PCDHAC1: variants seen among roughly 807,000 people sequenced by gnomAD.
PCDHAC1 encodes protocadherin alpha-C1.
A neutral mutation model predicts 60.0 loss-of-function variants in PCDHAC1; 42 were observed. That is an observed-to-expected ratio of 0.70 (90% CI 0.55 to 0.90). The LOEUF (loss-of-function observed/expected upper bound fraction) is 0.90, where lower values mean the gene tolerates loss of function less well. PCDHAC1 is among the 40% of genes least tolerant of loss of function. The pLI is 0.00. For synonymous variants in PCDHAC1, 468 were observed against 499.3 expected (o/e 0.94, Z 0.84); for missense variants, 1,160 against 1,222.3 (o/e 0.95, Z 0.76).
chr5:141,004,142 G>A (rs1323224367), intron 3 of PCDHAC1, among the ~76,000 whole-genome samples: 2 of 152,214 alleles, frequency 1.3e-5, no homozygotes, highest in African/African-American at 4.8e-5. Flanking sequence ...TGCCCCAAAG[G>A]CATGACATTT....
intron 1 of PCDHAC1, chr5:140,968,479 C>T (rs2096250195): frequency 1.2e-6 from 2 of 1,614,010 alleles, no homozygotes; most frequent in South Asian, 2.2e-5. Flanking sequence ...ATGTGGTGGA[C>T]ATGAATGACC....
chr5:140,926,763 C>T lies in PCDHAC1; in HGVS notation c.-130C>T. 7.5e-7 allele frequency: 1 copy of T among 1,327,892 alleles called. No homozygotes were observed. The highest frequency in any genetic ancestry group is 1.5e-5 in the African/African-American group (1 of 66,742). The allele number at this position is 1,327,892 out of a possible 1,614,324, so 82.3% of individuals were successfully genotyped here. On this transcript the variant is annotated 5_prime_UTR_variant, in exon 1 of 4. Coordinates refer to ENST00000253807, the MANE Select transcript of PCDHAC1 (RefSeq NM_018898.5). ...GCAACGTCGGCGGTCGCTGAGTATC[C>T]AGCCCGCAGCAGTGACGGCCGGCAG...
intron 1 of PCDHAC1, among the ~76,000 whole-genome samples, chr5:140,938,975 C>T (rs1249900927): frequency 6.6e-6 from 1 of 152,188 alleles, no homozygotes; most frequent in African/African-American, 2.4e-5. Flanking sequence ...GGCATCAAGG[C>T]TATCCTGGCT....
intron 3 of PCDHAC1, among the ~76,000 whole-genome samples, chr5:140,992,035 G>C (rs529236840): frequency 6.6e-6 from 1 of 151,988 alleles, no homozygotes; most frequent in South Asian, 2.1e-4. Flanking sequence ...GTGTGTGTGT[G>C]TGTGTGTGTG....
intron 1 of PCDHAC1, chr5:140,969,495 C>G: frequency 7.0e-7 from 1 of 1,437,888 alleles, no homozygotes; most frequent in Non-Finnish European, 9.2e-7. Context: ...TATTTCCTCT[C>G]TAGAAAAATA....
In PCDHAC1 at chr5:140,966,434, C is replaced by G. The variant is rs889087342; in HGVS notation, c.2434-12515C>G. 9 of 423,984 alleles carry G rather than the reference C, an allele frequency of 2.1e-5. No individual in the cohort carries two copies. In the Admixed American group the frequency reaches 3.9e-4, roughly 19 times the overall value. The allele number at this position is 423,984 out of a possible 1,614,324, so 26.3% of individuals were successfully genotyped here. On this transcript the variant is annotated intron_variant, in intron 1 of 3. Coordinates refer to ENST00000253807, the MANE Select transcript of PCDHAC1 (RefSeq NM_018898.5). ...GAGCAGGACTTGCTGAGCCCTCCTA[C>G]CGCTCCCTTTCCCCCTCCCCCTCTG...
At chr5:140,968,886 A>G in intron 1 of PCDHAC1, 1 of 1,614,186 alleles carries the variant, frequency 6.2e-7, no homozygotes, top group Non-Finnish European at 8.5e-7. Context: ...ATTACCCTTT[A>G]TCTAATAATA....
intron 1 of PCDHAC1, chr5:140,969,627 G>A: frequency 1.5e-6 from 1 of 664,866 alleles, no homozygotes; most frequent in Non-Finnish European, 2.5e-6. Flanking sequence ...AGAGAAACAG[G>A]ACAGGCCTTG....
At chr5:140,966,645 C>A in intron 1 of PCDHAC1, 1 of 1,125,650 alleles carries the variant, frequency 8.9e-7, no homozygotes, top group African/African-American at 1.7e-5. Context: ...CTTTCTAGAG[C>A]GTGAGCGGTG....
In PCDHAC1 at chr5:141,011,594, T is replaced by C. The variant is rs2098421156; in HGVS notation, c.*1657T>C. 6.5e-6 allele frequency: 1 copy of C among 153,764 alleles called. No homozygotes were observed. Among genetic ancestry groups the C allele is most frequent in the East Asian group, 1.9e-4 (1 of 5,202 alleles). The allele number at this position is 153,764 out of a possible 1,614,324, so 9.5% of individuals were successfully genotyped here. On this transcript the variant is annotated 3_prime_UTR_variant, in exon 4 of 4. Coordinates refer to ENST00000253807, the MANE Select transcript of PCDHAC1 (RefSeq NM_018898.5). ...TTTCTTAAATCAAGATACTGGTGAT[T>C]CAAGGAATTTTATTTATGGTCCAGC...
At chr5:140,983,228 A>T (rs1012242202) in intron 3 of PCDHAC1, among the ~76,000 whole-genome samples, 4 of 152,240 alleles carry the variant, frequency 2.6e-5, no homozygotes, top group Non-Finnish European at 4.4e-5. Context: ...CCAAACTTTC[A>T]GGAAAGAGAA....
chr5:140,967,043 G>T (rs1477679213), intron 1 of PCDHAC1: 2 of 1,611,990 alleles, frequency 1.2e-6, no homozygotes, highest in African/African-American at 2.7e-5. Context: ...CCTGGAGCTG[G>T]ACCTGACGAG....
At chr5:140,974,284 G>C (rs1409183152) in intron 1 of PCDHAC1, among the ~76,000 whole-genome samples, 2 of 152,092 alleles carry the variant, frequency 1.3e-5, no homozygotes, top group Non-Finnish European at 2.9e-5. Flanking sequence ...CAGAACTCTG[G>C]GCTCCAAGGA....
intron 3 of PCDHAC1, among the ~76,000 whole-genome samples, chr5:141,008,739 C>A (rs1554261919): frequency 1.3e-5 from 2 of 152,166 alleles, no homozygotes; most frequent in Non-Finnish European, 2.9e-5. Context: ...AGACTGTGAG[C>A]ACACTGAGGG....
chr5:140,929,651 A>G (rs2086278415), intron 1 of PCDHAC1: 2 of 358,222 alleles, frequency 5.6e-6, no homozygotes, highest in East Asian at 8.9e-5. Context: ...AAGGCACTCT[A>G]ATATTTAAAG....
chr5:140,980,265 A>G (rs1041506600), intron 2 of PCDHAC1, among the ~76,000 whole-genome samples: 1 of 152,258 alleles, frequency 6.6e-6, no homozygotes, highest in Non-Finnish European at 1.5e-5. Flanking sequence ...CATGGTTTAC[A>G]GTACCAACTC....
chr5:140,968,949 T>C, intron 1 of PCDHAC1: 1 of 1,614,180 alleles, frequency 6.2e-7, no homozygotes, highest in Non-Finnish European at 8.5e-7. Flanking sequence ...ATTTTGAGCA[T>C]CATCAAGTGC....
intron 1 of PCDHAC1, chr5:140,968,796 C>G (rs2096270881): frequency 6.2e-7 from 1 of 1,614,220 alleles, no homozygotes; most frequent in East Asian, 2.2e-5. Context: ...GTGGCCATTA[C>G]AGTAGCTGTG....
At chr5:140,990,512 CTT>C (rs1323641272) in intron 3 of PCDHAC1, among the ~76,000 whole-genome samples, 1 of 152,202 alleles carries the variant, frequency 6.6e-6, no homozygotes, top group African/African-American at 2.4e-5. Context: ...AGTCTTCTCT[CTT>C]GTCTTTTTTG....
Sources: allele counts gnomAD v4.1 joint callset (sites outside exome capture counted in the v4.1 genomes callset), GRCh38; gene constraint gnomAD v4.1.1; transcripts MANE v1.5; gene names NCBI Gene and HGNC (gene_info 2026-07-23, HGNC 2026-07-21).